SHISA9: variants seen among roughly 807,000 people sequenced by gnomAD.
SHISA9 encodes shisa family member 9.
A neutral mutation model predicts 38.0 loss-of-function variants in SHISA9; 13 were observed. That is an observed-to-expected ratio of 0.34 (90% confidence interval 0.22 to 0.54). The LOEUF (loss-of-function observed/expected upper bound fraction) is 0.54. Among genes scored for constraint, SHISA9 ranks in the 20% least tolerant of loss-of-function variants. The pLI is 0.91. For synonymous variants in SHISA9, 275 were observed against 242.0 expected (o/e 1.14, Z -1.27); for missense variants, 538 against 575.8 (o/e 0.93, Z 0.67).
At chr16:13,271,202 A>G in the SHISA9 span, among the ~76,000 whole-genome samples, 1 of 152,190 alleles carries the variant, frequency 6.6e-6, no homozygotes, top group Non-Finnish European at 1.5e-5. Flanking sequence ...GAATCCAAGA[A>G]CCACACTGGT....
At chr16:12,916,251 G>A (rs532679288) in intron 1 of SHISA9, among the ~76,000 whole-genome samples, 11 of 152,262 alleles carry the variant, frequency 7.2e-5, no homozygotes, top group African/African-American at 1.4e-4. Flanking sequence ...TAGTTAAGAC[G>A]TAATGCGATT....
chr16:12,956,135 A>C (rs2071831115), intron 2 of SHISA9, among the ~76,000 whole-genome samples: 2 of 152,218 alleles, frequency 1.3e-5, no homozygotes, highest in Admixed American at 1.3e-4. Flanking sequence ...ACAAGTAGCC[A>C]ATAAGCACTA....
the SHISA9 span, among the ~76,000 whole-genome samples, chr16:13,378,837 G>A: frequency 6.6e-6 from 1 of 152,184 alleles, no homozygotes. Context: ...TAATTACCTA[G>A]TTTGGGGGTT....
chr16:13,207,442 G>A (rs180891558), intron 3 of SHISA9, among the ~76,000 whole-genome samples: 2 of 151,386 alleles, frequency 1.3e-5, no homozygotes, highest in African/African-American at 2.4e-5. Flanking sequence ...TTTGTTGAAT[G>A]AATGAATGAG....
At position 12,961,180 on chromosome 16, in the gene SHISA9, C is replaced by G. The variant is rs567196432; in HGVS notation, c.691+44365C>G. On this transcript the variant is annotated intron_variant, in intron 2 of 4. Coordinates refer to ENST00000558583, the MANE Select transcript of SHISA9 (RefSeq NM_001145204.3). Reference sequence around the variant, plus strand: ...GAAGGGAGACAGTGGAATAGCAACCCAGGCAGAGGGAACTGCATGGTGCAG... The same window carrying G: ...GAAGGGAGACAGTGGAATAGCAACCGAGGCAGAGGGAACTGCATGGTGCAG... 2.0e-5 allele frequency among the ~76,000 whole-genome samples: 3 copies of G among 152,222 alleles called. No homozygotes were observed. The South Asian group carries it at 6.2e-4, about 32-fold the overall frequency.
the SHISA9 span, among the ~76,000 whole-genome samples, chr16:13,359,752 G>C: frequency 1.3e-5 from 2 of 152,198 alleles, no homozygotes; most frequent in Non-Finnish European, 2.9e-5. Context: ...GTTGGTGCCA[G>C]TGTCACTTTC....
At chr16:13,482,891 C>T in the SHISA9 span, among the ~76,000 whole-genome samples, 2 of 151,642 alleles carry the variant, frequency 1.3e-5, no homozygotes, top group African/African-American at 4.8e-5. Flanking sequence ...TCTAACTCTA[C>T]TGCTAATGCT....
At chr16:13,402,470 C>A in the SHISA9 span, among the ~76,000 whole-genome samples, 1 of 151,064 alleles carries the variant, frequency 6.6e-6, no homozygotes, top group Non-Finnish European at 1.5e-5. Context: ...TACTTGGGCC[C>A]TTCGTGGATT....
chr16:13,475,444 A>T, the SHISA9 span, among the ~76,000 whole-genome samples: 1 of 152,036 alleles, frequency 6.6e-6, no homozygotes, highest in Non-Finnish European at 1.5e-5. Context: ...TTCATTTATT[A>T]TGTATTTATT....
intron 2 of SHISA9, among the ~76,000 whole-genome samples, chr16:13,114,708 G>GT (rs1292269179): frequency 6.6e-6 from 1 of 151,502 alleles, no homozygotes; most frequent in Non-Finnish European, 1.5e-5. Context: ...AATTTTATGT[G>GT]TTTTTTTCTT....
intron 2 of SHISA9, among the ~76,000 whole-genome samples, chr16:13,010,841 A>G (rs1351010948): frequency 1.3e-5 from 2 of 152,194 alleles, no homozygotes; most frequent in Non-Finnish European, 2.9e-5. Flanking sequence ...AATCGCAGCT[A>G]CTTGGGAGGC....
At chr16:13,090,480 G>A (rs1048238840) in intron 2 of SHISA9, among the ~76,000 whole-genome samples, 1 of 152,128 alleles carries the variant, frequency 6.6e-6, no homozygotes, top group African/African-American at 2.4e-5. Flanking sequence ...ATGAATCTGG[G>A]TGCTCCTGTA....
At position 12,906,156 on chromosome 16, in the gene SHISA9, A is replaced by G. The variant is rs1299557702; in HGVS notation, c.563+3529A>G. On this transcript the variant is annotated intron_variant, in intron 1 of 4. Coordinates refer to ENST00000558583, the MANE Select transcript of SHISA9 (RefSeq NM_001145204.3). ...TCCAGGTGAAATTAACCTGCCAGTC[A>G]CAGGCAGCTTCCAGGTGAAATTAAC... Among the ~76,000 whole-genome samples the G allele has an allele frequency of 3.9e-5, 6 of 152,166 alleles. No individual in the cohort carries two copies. In the East Asian group the frequency reaches 7.7e-4, roughly 20 times the overall value.
intron 2 of SHISA9, among the ~76,000 whole-genome samples, chr16:13,049,158 G>A (rs9940588): frequency 3.1e-4 from 1 of 3,236 alleles, no homozygotes; most frequent in Non-Finnish European, 7.4e-4. Context: ...TTAGGAGTAT[G>A]TGTGTGTGTG....
At chr16:13,547,889 A>G in the SHISA9 span, among the ~76,000 whole-genome samples, 43 of 152,328 alleles carry the variant, frequency 2.8e-4, no homozygotes, top group African/African-American at 1.0e-3. Flanking sequence ...TAGAACCACA[A>G]AAGACCCAGA....
chr16:12,957,618 C>T (rs1366540006), intron 2 of SHISA9, among the ~76,000 whole-genome samples: 1 of 152,178 alleles, frequency 6.6e-6, no homozygotes, highest in Non-Finnish European at 1.5e-5. Context: ...CTAATAGGAT[C>T]ACATTGAGGG....
At chr16:13,260,592 G>T in the SHISA9 span, among the ~76,000 whole-genome samples, 1 of 152,066 alleles carries the variant, frequency 6.6e-6, no homozygotes, top group South Asian at 2.1e-4. Flanking sequence ...CTCCATCTGA[G>T]ACCACCTCAG....
At chr16:13,304,301 T>G in the SHISA9 span, among the ~76,000 whole-genome samples, 1 of 152,382 alleles carries the variant, frequency 6.6e-6, no homozygotes, top group South Asian at 2.1e-4. Context: ...CTCTGTCACC[T>G]GGGCTGCTGT....
chr16:13,353,242 T>C, the SHISA9 span, among the ~76,000 whole-genome samples: 1 of 152,224 alleles, frequency 6.6e-6, no homozygotes, highest in African/African-American at 2.4e-5. Context: ...AGTTGTTGTA[T>C]AGAATGATTG....
Sources: gnomAD v4.1 joint callset for allele counts (sites outside exome capture counted in the v4.1 genomes callset) on GRCh38, gnomAD v4.1.1 for gene constraint, MANE v1.5 for transcripts, NCBI Gene and HGNC (gene_info 2026-07-23, HGNC 2026-07-21) for gene names.